Variants in VWA5B1 observed in about 807,000 individuals in gnomAD.
The protein encoded by VWA5B1 is von Willebrand factor A domain containing 5B1.
VWA5B1 carries 115 observed loss-of-function variants against 118.2 expected under a neutral mutation model. That is an observed-to-expected ratio of 0.97 (90% CI 0.84 to 1.14). The LOEUF is 1.14. VWA5B1 is among the 50% of genes most tolerant of loss of function. VWA5B1 has a pLI of 0.00. For synonymous variants in VWA5B1, 682 were observed against 658.4 expected (o/e 1.04, Z -0.55); for missense variants, 1,596 against 1,603.8 (o/e 1.00, Z 0.08).
chr1:20,308,535 G>A (rs12093685), intron 1 of VWA5B1, among the ~76,000 whole-genome samples: 41,090 of 152,002 alleles, frequency 0.27, 7,723 homozygotes, highest in African/African-American at 0.53. Flanking sequence ...AGGAAATGAA[G>A]GCCGCCATCT....
At chr1:20,342,962 T>C in intron 15 of VWA5B1, 117 bp from the exon 16 acceptor site, 1 of 1,436,236 alleles carries the variant, frequency 7.0e-7, no homozygotes, top group Non-Finnish European at 9.2e-7. Flanking sequence ...CCTGGGGAGA[T>C]GGAGTGGGTT....
chr1:20,335,022 T>C (rs1262561136), intron 12 of VWA5B1, among the ~76,000 whole-genome samples: 1 of 151,512 alleles, frequency 6.6e-6, no homozygotes, highest in Non-Finnish European at 1.5e-5. Flanking sequence ...AAAAGAATGG[T>C]TGAGGCCAGG....
rs1176562711 is a variant in VWA5B1 at position 20,354,248 on chromosome 1, C to T, written c.3633C>T (p.Asn1211=). The T allele has an allele frequency of 6.5e-7, 1 of 1,546,898 alleles. No homozygotes were observed. Among genetic ancestry groups the T allele is most frequent in the Admixed American group, 2.0e-5 (1 of 50,896 alleles). ...ENLEFNMLCY[N]PNYV ...TCGAGTTCAATATGCTCTGCTATAA[C>T]CCGAATTATGTGTAGTTGAGTGACG... The change falls in exon 22 of 22, where the codon AAC becomes AAT. Residue 1211 remains asparagine, a synonymous_variant. Coordinates refer to ENST00000289815, the MANE Select transcript of VWA5B1 (RefSeq NM_001039500.3).
intron 1 of VWA5B1, among the ~76,000 whole-genome samples, chr1:20,294,778 G>A (rs1433393085): frequency 2.6e-5 from 4 of 152,070 alleles, no homozygotes; most frequent in East Asian, 1.9e-4. Context: ...TAGTAGAGAC[G>A]GGGTTTCTCC....
intron 14 of VWA5B1, among the ~76,000 whole-genome samples, chr1:20,341,599 C>T (rs1044893969): frequency 1.3e-5 from 2 of 152,208 alleles, no homozygotes; most frequent in Non-Finnish European, 1.5e-5. Flanking sequence ...TTGCTATAAA[C>T]GGCCTGCAAA....
chr1:20,306,592 C>A (rs1275675888), intron 1 of VWA5B1, among the ~76,000 whole-genome samples: 1 of 152,238 alleles, frequency 6.6e-6, no homozygotes. Flanking sequence ...TGGTGTCCTT[C>A]AGTGTCCTTG....
chr1:20,312,691 TG>T, intron 2 of VWA5B1, 144 bp from the exon 3 acceptor site: 1 of 1,167,374 alleles, frequency 8.6e-7, no homozygotes, highest in Non-Finnish European at 1.1e-6. Context: ...GGTCCCAGTC[TG>T]GCTCTCTGCC....
intron 20 of VWA5B1, among the ~76,000 whole-genome samples, 154 bp from the exon 21 acceptor site, chr1:20,351,901 G>C (rs41265045): frequency 6.6e-6 from 1 of 152,054 alleles, no homozygotes; most frequent in Non-Finnish European, 1.5e-5. Context: ...CAGTTGCTTC[G>C]AGCCCATGTT....
chr1:20,316,592 C>T (rs1557840703), intron 4 of VWA5B1, among the ~76,000 whole-genome samples: 1 of 152,190 alleles, frequency 6.6e-6, no homozygotes, highest in East Asian at 1.9e-4. Flanking sequence ...AGGGGGTGTG[C>T]CTGTGGAGAC....
intron 1 of VWA5B1, among the ~76,000 whole-genome samples, chr1:20,305,447 G>A (rs555683259): frequency 6.6e-6 from 1 of 152,236 alleles, no homozygotes; most frequent in Non-Finnish European, 1.5e-5. Context: ...GACTAAAGGA[G>A]TATGATTGAG....
intron 2 of VWA5B1, 104 bp downstream of exon 2, chr1:20,310,844 C>A (rs892370374): frequency 6.5e-6 from 9 of 1,376,596 alleles, no homozygotes; most frequent in Non-Finnish European, 8.6e-6. Flanking sequence ...TCATGCCACC[C>A]CTCCGAGTCT....
At chr1:20,350,313 C>A (rs375694361) in intron 19 of VWA5B1, 83 bp downstream of exon 19, 1 of 1,460,362 alleles carries the variant, frequency 6.8e-7, no homozygotes, top group Non-Finnish European at 9.3e-7. Context: ...TTAGCACCGA[C>A]AAAGTCCTCA....
intron 3 of VWA5B1, among the ~76,000 whole-genome samples, chr1:20,313,922 G>C (rs1049729409): frequency 6.6e-6 from 1 of 152,140 alleles, no homozygotes; most frequent in African/African-American, 2.4e-5. Context: ...GGGTTGTGTG[G>C]GTGGGTAGAC....
rs777000036 is a variant in VWA5B1, at chr1:20,353,987, G to A, written c.3372G>A (p.Lys1124=). ...CCCTGGAGCCTCTGGCCAAGGGCAA[G>A]CTGGGCCTGGAGCCGAGGGCAGTGG... ...SFSLEPLAKG[K]LGLEPRAVVE... is the part of the protein sequence containing the mutation. Residue 1124 remains lysine (K), a synonymous_variant, in exon 22 of 22, where the codon AAG becomes AAA. Coordinates refer to ENST00000289815, the MANE Select transcript of VWA5B1 (RefSeq NM_001039500.3). 1.7e-5 allele frequency: 27 copies of A among 1,551,654 alleles called. No homozygotes were observed. In the South Asian group the frequency reaches 3.2e-4, roughly 18 times the overall value.
intron 14 of VWA5B1, chr1:20,338,546 T>C (rs1184949126): frequency 6.3e-6 from 1 of 159,034 alleles, no homozygotes; most frequent in Admixed American, 6.0e-5. Flanking sequence ...TATTTATTTT[T>C]GAGATGGAGT....
chr1:20,333,114 C>T (rs886936182), intron 12 of VWA5B1, among the ~76,000 whole-genome samples, 163 bp downstream of exon 12: 1 of 152,216 alleles, frequency 6.6e-6, no homozygotes, highest in Admixed American at 6.5e-5. Context: ...AGTTGCCAGG[C>T]CACAGGCATT....
chr1:20,296,069 GC>G (rs1371819873), intron 1 of VWA5B1, among the ~76,000 whole-genome samples: 1 of 152,088 alleles, frequency 6.6e-6, no homozygotes, highest in Non-Finnish European at 1.5e-5. Context: ...TCCCATGTTA[GC>G]CAGGCTGGTC....
chr1:20,333,032 T>G, intron 12 of VWA5B1, 81 bp downstream of exon 12: 1 of 1,476,150 alleles, frequency 6.8e-7, no homozygotes, highest in Non-Finnish European at 9.1e-7. Flanking sequence ...AAAGACTATT[T>G]GTGACAGCTA....
At chr1:20,336,190 G>A (rs1219334285) in intron 12 of VWA5B1, 113 bp from the exon 13 acceptor site, 23 of 952,234 alleles carry the variant, frequency 2.4e-5, no homozygotes, top group Middle Eastern at 3.7e-4. Context: ...CTGTTGAGCT[G>A]TTTCTTCAGA....
Sources: allele counts gnomAD v4.1 joint callset (sites outside exome capture counted in the v4.1 genomes callset), GRCh38; gene constraint gnomAD v4.1.1; transcripts MANE v1.5; gene names NCBI Gene and HGNC (gene_info 2026-07-23, HGNC 2026-07-21).